SNTG1: variants seen among roughly 807,000 people sequenced by gnomAD.
SNTG1 encodes the protein syntrophin gamma 1, also known as gamma-1-syntrophin.
A neutral mutation model predicts 74.7 loss-of-function variants in SNTG1; 39 were observed. The ratio of observed to expected loss-of-function variants is 0.52; its 90% confidence interval spans 0.40 to 0.68. The LOEUF (loss-of-function observed/expected upper bound fraction) is 0.68, where lower values mean the gene tolerates loss of function less well. SNTG1 is among the 30% of genes least tolerant of loss of function. SNTG1 has a pLI of 0.00. For missense variants in SNTG1, 685 were observed against 609.5 expected (o/e 1.12, Z -1.30); for synonymous variants, 254 against 217.1 (o/e 1.17, Z -1.49).
chr8:50,484,753 G>A (rs567718067), intron 8 of SNTG1, among the ~76,000 whole-genome samples: 14 of 149,362 alleles, frequency 9.4e-5, no homozygotes, highest in African/African-American at 3.6e-4. Context: ...CAGCTACTTG[G>A]GAGGCTGAGA....
At chr8:50,512,602 G>A (rs992101485) in intron 9 of SNTG1, among the ~76,000 whole-genome samples, 2 of 152,096 alleles carry the variant, frequency 1.3e-5, no homozygotes, top group African/African-American at 4.8e-5. Flanking sequence ...TTTCTTGGAG[G>A]CTTTGCTCGT....
At chr8:50,012,174 G>A (rs964315746) in intron 1 of SNTG1, among the ~76,000 whole-genome samples, 7 of 152,072 alleles carry the variant, frequency 4.6e-5, no homozygotes, top group Non-Finnish European at 8.8e-5. Context: ...TAAAAAAAAT[G>A]AGCACTTACA....
intron 11 of SNTG1, among the ~76,000 whole-genome samples, chr8:50,550,828 T>C (rs917161801): frequency 3.9e-5 from 6 of 152,128 alleles, no homozygotes; most frequent in Admixed American, 2.6e-4. Flanking sequence ...ATATTAACTA[T>C]TTTTGTTTAT....
intron 1 of SNTG1, among the ~76,000 whole-genome samples, chr8:49,927,943 C>G (rs1461268759): frequency 2.0e-5 from 3 of 151,660 alleles, no homozygotes; most frequent in Non-Finnish European, 2.9e-5. Flanking sequence ...AGTAAAACCC[C>G]TTGACTACTA....
intron 2 of SNTG1, among the ~76,000 whole-genome samples, chr8:50,204,303 T>C (rs1006588174): frequency 6.6e-6 from 1 of 152,114 alleles, no homozygotes; most frequent in Non-Finnish European, 1.5e-5. Flanking sequence ...CTTTTTTTTG[T>C]CCAGTAAATA....
intron 9 of SNTG1, among the ~76,000 whole-genome samples, chr8:50,512,060 T>A (rs10102674): frequency 0.14 from 21,501 of 152,064 alleles, 1,652 homozygotes; most frequent in African/African-American, 0.19. Context: ...GTACTGGTTT[T>A]TCCTTTCCAT....
chr8:50,058,685 C>T (rs1447681521), intron 1 of SNTG1, among the ~76,000 whole-genome samples: 2 of 151,890 alleles, frequency 1.3e-5, no homozygotes, highest in African/African-American at 4.8e-5. Flanking sequence ...AGGATACTGA[C>T]ATTGATAAAA....
At chr8:50,698,212 C>A (rs1442684551) in intron 15 of SNTG1, among the ~76,000 whole-genome samples, 1 of 152,106 alleles carries the variant, frequency 6.6e-6, no homozygotes, top group African/African-American at 2.4e-5. Context: ...TCCATTTCCT[C>A]TAGGTTTTCT....
chr8:50,465,230 T>C (rs548889645), intron 8 of SNTG1, among the ~76,000 whole-genome samples: 9 of 152,192 alleles, frequency 5.9e-5, no homozygotes, highest in Non-Finnish European at 1.0e-4. Context: ...CTGTCATTCA[T>C]TTATTTAATT....
At chr8:50,097,529 G>C (rs530943219) in intron 1 of SNTG1, among the ~76,000 whole-genome samples, 24 of 152,034 alleles carry the variant, frequency 1.6e-4, no homozygotes, top group African/African-American at 5.8e-4. Context: ...GCGGGCGCCT[G>C]TAGTCCCAGC....
At chr8:50,663,570 G>T (rs981595099) in intron 15 of SNTG1, among the ~76,000 whole-genome samples, 32 of 152,030 alleles carry the variant, frequency 2.1e-4, no homozygotes, top group Admixed American at 2.0e-3. Flanking sequence ...GACTCGTTTT[G>T]CTCTGATTCT....
At chr8:50,429,037 A>G (rs888836449) in intron 4 of SNTG1, among the ~76,000 whole-genome samples, 2 of 151,914 alleles carry the variant, frequency 1.3e-5, no homozygotes, top group African/African-American at 4.8e-5. Context: ...GTATTAGAAA[A>G]CTCAATATTA....
chr8:50,123,760 T>C (rs191813579), intron 1 of SNTG1, among the ~76,000 whole-genome samples: 2 of 142,300 alleles, frequency 1.4e-5, no homozygotes, highest in East Asian at 4.1e-4. Context: ...AAACCAGTCC[T>C]GTGTGACAAA....
At chr8:50,097,205 C>A (rs556971579) in intron 1 of SNTG1, among the ~76,000 whole-genome samples, 1 of 152,066 alleles carries the variant, frequency 6.6e-6, no homozygotes, top group African/African-American at 2.4e-5. Context: ...CTCCTGACCT[C>A]GTGATCCGCT....
chr8:50,351,077 C>T (rs1163237939), intron 2 of SNTG1, among the ~76,000 whole-genome samples: 1 of 152,200 alleles, frequency 6.6e-6, no homozygotes, highest in Non-Finnish European at 1.5e-5. Context: ...GTCAGTGAGA[C>T]CAAGAACCCA....
intron 1 of SNTG1, among the ~76,000 whole-genome samples, chr8:49,974,525 T>C (rs1812007526): frequency 6.6e-6 from 1 of 152,178 alleles, no homozygotes; most frequent in Non-Finnish European, 1.5e-5. Flanking sequence ...TCAAGATGAA[T>C]GCAAAAGGGA....
intron 1 of SNTG1, among the ~76,000 whole-genome samples, chr8:50,029,932 C>T (rs1817605754): frequency 6.6e-6 from 1 of 152,086 alleles, no homozygotes; most frequent in Admixed American, 6.6e-5. Context: ...AAACTATTCT[C>T]CATAGTGGCT....
intron 13 of SNTG1, among the ~76,000 whole-genome samples, chr8:50,655,373 A>C (rs575516881): frequency 1.3e-5 from 2 of 152,316 alleles, no homozygotes; most frequent in Non-Finnish European, 2.9e-5. Flanking sequence ...CCATATAAGC[A>C]ATACAAAATA....
rs371924624 is a variant in SNTG1, at chr8:50,671,758, G to A, written c.1038+13095G>A. On this transcript the variant is annotated intron_variant, in intron 15 of 18. Transcript: ENST00000642720. ...ACACATGCACACGTATGTTTATTGC[G>A]GCACTATTCACAATAGCAAAGACTT... Among the ~76,000 whole-genome samples the A allele has an allele frequency of 1.3e-4, 19 of 151,796 alleles. No homozygotes were observed. In the East Asian group the frequency reaches 1.6e-3, roughly 12 times the overall value.
Sources: allele counts gnomAD v4.1 joint callset (sites outside exome capture counted in the v4.1 genomes callset), GRCh38; gene constraint gnomAD v4.1.1; transcripts MANE v1.5; gene names NCBI Gene and HGNC (gene_info 2026-07-23, HGNC 2026-07-21).